Variants in INPP4B observed in about 807,000 individuals in gnomAD.
The protein encoded by INPP4B is inositol polyphosphate-4-phosphatase type II B.
INPP4B carries 55 observed loss-of-function variants against 122.5 expected under a neutral mutation model. That is an observed-to-expected ratio of 0.45 (90% confidence interval 0.36 to 0.56). The LOEUF is 0.56. INPP4B is among the 20% of genes least tolerant of loss of function. The pLI is 0.00. For missense variants in INPP4B, 1,000 were observed against 1,097.7 expected (o/e 0.91, Z 1.26); for synonymous variants, 403 against 388.7 (o/e 1.04, Z -0.43).
chr4:142,629,231 A>G (rs1478060045), intron 2 of INPP4B, among the ~76,000 whole-genome samples: 1 of 152,074 alleles, frequency 6.6e-6, no homozygotes. Context: ...ATATTGAATG[A>G]TCATTGAGCT....
Position 142,714,690 on chromosome 4 carries a change from A to T in INPP4B, c.-191+11149T>A, listed in dbSNP as rs373887900. ...TAAAGGAAACTTACACCCAGGGAGA[A>T]TAAAGGCCCTTTTTGCCTTGAAGTT... On this transcript the variant is annotated intron_variant, in intron 2 of 25. Coordinates refer to ENST00000262992, the MANE Select transcript of INPP4B (RefSeq NM_001101669.3). Among the ~76,000 whole-genome samples the T allele has an allele frequency of 2.4e-4, 37 of 152,334 alleles. No individual in the cohort carries two copies. In the Middle Eastern group the frequency reaches 0.014, roughly 56 times the overall value.
chr4:142,781,449 C>A (rs1196474788), intron 1 of INPP4B, among the ~76,000 whole-genome samples: 1 of 152,128 alleles, frequency 6.6e-6, no homozygotes, highest in African/African-American at 2.4e-5. Context: ...TATGAGAGAA[C>A]CATGTAACAC....
chr4:142,812,686 T>C (rs1359189847), intron 1 of INPP4B, among the ~76,000 whole-genome samples: 1 of 152,156 alleles, frequency 6.6e-6, no homozygotes, highest in South Asian at 2.1e-4. Context: ...TTATTTATAC[T>C]TTTTTATAAC....
chr4:142,357,526 G>C (rs1165870125), intron 7 of INPP4B, among the ~76,000 whole-genome samples: 2 of 151,936 alleles, frequency 1.3e-5, no homozygotes, highest in African/African-American at 4.8e-5. Context: ...GGATAAATTG[G>C]AGGGCAGACA....
At chr4:142,726,755 T>C (rs182184055) in intron 1 of INPP4B, among the ~76,000 whole-genome samples, 7 of 152,210 alleles carry the variant, frequency 4.6e-5, no homozygotes, top group Admixed American at 3.3e-4. Context: ...GTCATAAGAA[T>C]AGTGATATAA....
intron 1 of INPP4B, among the ~76,000 whole-genome samples, chr4:142,787,478 T>A (rs191153890): frequency 1.3e-5 from 2 of 152,110 alleles, no homozygotes; most frequent in African/African-American, 4.8e-5. Context: ...TCTAGAACTA[T>A]GAAAAATTGA....
At chr4:142,787,164 G>T (rs1338010732) in intron 1 of INPP4B, among the ~76,000 whole-genome samples, 1 of 152,106 alleles carries the variant, frequency 6.6e-6, no homozygotes, top group Non-Finnish European at 1.5e-5. Context: ...TAAAATAAAT[G>T]TCAGGTTCAG....
intron 7 of INPP4B, among the ~76,000 whole-genome samples, chr4:142,363,338 AATATAT>A (rs927166227): frequency 1.3e-5 from 2 of 150,884 alleles, no homozygotes; most frequent in African/African-American, 4.9e-5. Flanking sequence ...CATATAAACA[AATATAT>A]ATATATATGT....
At chr4:142,643,601 T>A (rs1751032394) in intron 2 of INPP4B, among the ~76,000 whole-genome samples, 1 of 152,132 alleles carries the variant, frequency 6.6e-6, no homozygotes, top group Non-Finnish European at 1.5e-5. Flanking sequence ...ATATTTCAAC[T>A]TTTTTTGAAA....
chr4:142,061,550 T>C (rs1278272957), intron 25 of INPP4B, among the ~76,000 whole-genome samples: 1 of 152,118 alleles, frequency 6.6e-6, no homozygotes, highest in Non-Finnish European at 1.5e-5. Flanking sequence ...GAACAGTTAA[T>C]TTACACCTAT....
At chr4:142,179,894 T>C (rs1003666337) in intron 15 of INPP4B, among the ~76,000 whole-genome samples, 2 of 152,194 alleles carry the variant, frequency 1.3e-5, no homozygotes, top group African/African-American at 4.8e-5. Context: ...TATTTCTGCC[T>C]AGTTTGACTT....
Position 142,112,547 on chromosome 4 carries a change from A to G in INPP4B, c.2271T>C (p.Ala757=), listed in dbSNP as rs758509189. 57 of 1,612,798 alleles carry G rather than the reference A, an allele frequency of 3.5e-5. No homozygotes were observed. Among genetic ancestry groups the G allele is most frequent in the Non-Finnish European group, 4.4e-5 (52 of 1,179,406 alleles). Residue 757 remains alanine, a synonymous_variant, in exon 22 of 26, where the codon GCT becomes GCC. Transcript: ENST00000262992. ...ACTCTTACACCAAAGCTTACCTTTC[A>G]GCCAGAGTTTGCTGTTCATTGATTC... ...NVGINEQQTL[A]ERFGDVSLQE...
intron 12 of INPP4B, among the ~76,000 whole-genome samples, chr4:142,228,357 C>A (rs373655836): frequency 6.6e-6 from 1 of 151,954 alleles, no homozygotes; most frequent in East Asian, 1.9e-4. Flanking sequence ...TCTATAGGAA[C>A]AAAACTATAA....
At chr4:142,756,628 C>T (rs1375375483) in intron 1 of INPP4B, among the ~76,000 whole-genome samples, 1 of 151,924 alleles carries the variant, frequency 6.6e-6, no homozygotes, top group Non-Finnish European at 1.5e-5. Flanking sequence ...AAGTATTAGG[C>T]ATACTAATAG....
At chr4:142,084,041 C>G (rs1578844298) in intron 24 of INPP4B, among the ~76,000 whole-genome samples, 1 of 152,118 alleles carries the variant, frequency 6.6e-6, no homozygotes, top group Non-Finnish European at 1.5e-5. Context: ...ACTTAACACA[C>G]TTGATTGTCA....
Position 142,270,710 on chromosome 4 carries a change from C to G in INPP4B, c.568G>C (p.Glu190Gln). 1 of 1,613,924 alleles carries G rather than the reference C, an allele frequency of 6.2e-7. No homozygotes were observed. Among genetic ancestry groups the G allele is most frequent in the East Asian group, 2.2e-5 (1 of 44,866 alleles). ...GTGATGTGGTCGGCTTCCCCATCCTCAATCTCCCCCATCTTCACGACACTG... is the reference window on the plus strand; with the variant it reads ...GTGATGTGGTCGGCTTCCCCATCCTGAATCTCCCCCATCTTCACGACACTG... ...EVSVVKMGEI[E>Q]DGEADHITTD... The change falls in exon 10 of 26, where the codon GAG becomes CAG. Residue 190 changes from glutamate to glutamine, a missense_variant. By Grantham distance (29) the Glu-to-Gln change is conservative. Transcript: ENST00000262992.
intron 23 of INPP4B, among the ~76,000 whole-genome samples, chr4:142,094,470 C>CT (rs1426001867): frequency 6.6e-6 from 1 of 152,150 alleles, no homozygotes; most frequent in Non-Finnish European, 1.5e-5. Context: ...GAAAAACAGA[C>CT]TAAGAATGGA....
intron 2 of INPP4B, among the ~76,000 whole-genome samples, chr4:142,601,968 C>CAAAAAAAAAAAAAAAAAAAAATA (rs1740084199): frequency 1.3e-5 from 1 of 74,904 alleles, no homozygotes; most frequent in Non-Finnish European, 2.5e-5. Flanking sequence ...GACTCCATCT[C>CAAAAAAAAAAAAAAAAAAAAATA]AAAAAAAAAA....
At chr4:142,646,251 G>T (rs1751756921) in intron 2 of INPP4B, among the ~76,000 whole-genome samples, 2 of 151,950 alleles carry the variant, frequency 1.3e-5, no homozygotes, top group African/African-American at 2.4e-5. Flanking sequence ...ATCAACACAA[G>T]AAACTAACAC....
Sources: allele counts gnomAD v4.1 joint callset (sites outside exome capture counted in the v4.1 genomes callset), GRCh38; gene constraint gnomAD v4.1.1; transcripts MANE v1.5; gene names NCBI Gene and HGNC (gene_info 2026-07-23, HGNC 2026-07-21).